The following RPSA2 variants were observed in gnomAD, a reference collection of about 807,000 sequenced individuals.
The protein encoded by RPSA2 is small ribosomal subunit protein uS2B.
At chr19:23,822,225 T>A in the RPSA2 span, among the ~76,000 whole-genome samples, 1 of 152,208 alleles carries the variant, frequency 6.6e-6, no homozygotes, top group African/African-American at 2.4e-5. Context: ...TGCTTCTTAG[T>A]ACCTTTGCAG....
At chr19:23,862,789 C>T in the RPSA2 span, among the ~76,000 whole-genome samples, 1 of 150,800 alleles carries the variant, frequency 6.6e-6, no homozygotes, top group African/African-American at 2.4e-5. Context: ...TGGGGACAAA[C>T]TTAACAGTTT....
the RPSA2 span, among the ~76,000 whole-genome samples, chr19:23,793,450 A>G: frequency 6.8e-6 from 1 of 146,278 alleles, no homozygotes; most frequent in African/African-American, 2.5e-5. Context: ...TTTGTATTTT[A>G]TATTATGTTA....
chr19:23,841,748 C>G, the RPSA2 span, among the ~76,000 whole-genome samples: 1 of 152,182 alleles, frequency 6.6e-6, no homozygotes. Flanking sequence ...TCCTCCTGTT[C>G]ACCTGTCTGT....
At chr19:23,860,535 C>A in the RPSA2 span, among the ~76,000 whole-genome samples, 1 of 152,066 alleles carries the variant, frequency 6.6e-6, no homozygotes, top group African/African-American at 2.4e-5. Context: ...CATATTATAT[C>A]CATCTTTGCA....
the RPSA2 span, among the ~76,000 whole-genome samples, chr19:23,850,251 G>C: frequency 1.3e-5 from 2 of 148,428 alleles, no homozygotes; most frequent in Non-Finnish European, 1.5e-5. Flanking sequence ...ATAAGTATGT[G>C]TAGCAGGTAA....
chr19:23,845,402 T>C, the RPSA2 span, among the ~76,000 whole-genome samples: 1 of 152,102 alleles, frequency 6.6e-6, no homozygotes, highest in South Asian at 2.1e-4. Flanking sequence ...GGCTATAAAC[T>C]GCCCTCTTAG....
At chr19:23,820,768 G>T in the RPSA2 span, among the ~76,000 whole-genome samples, 3 of 152,170 alleles carry the variant, frequency 2.0e-5, no homozygotes, top group Admixed American at 2.0e-4. Context: ...TCCTTTGCTA[G>T]CAAAAGGGCT....
At chr19:23,816,289 C>T in the RPSA2 span, among the ~76,000 whole-genome samples, 2 of 152,044 alleles carry the variant, frequency 1.3e-5, no homozygotes, top group Non-Finnish European at 2.9e-5. Context: ...TGTAGCATCA[C>T]GCCTAGCCAG....
At chr19:23,844,802 T>C in the RPSA2 span, among the ~76,000 whole-genome samples, 1 of 151,830 alleles carries the variant, frequency 6.6e-6, no homozygotes, top group African/African-American at 2.4e-5. Flanking sequence ...GGAAGAATTT[T>C]ATTATCCTCA....
the RPSA2 span, among the ~76,000 whole-genome samples, chr19:23,866,499 T>A: frequency 2.7e-5 from 4 of 150,774 alleles, no homozygotes; most frequent in South Asian, 8.4e-4. Context: ...ACAAAAAGGA[T>A]CTTACAATGT....
At chr19:23,831,903 C>T in the RPSA2 span, 3 of 298,040 alleles carry the variant, frequency 1.0e-5, no homozygotes, top group African/African-American at 4.5e-5. Context: ...AAAAATGTGT[C>T]AAATCATTTT....
At chr19:23,777,722 C>A in the RPSA2 span, among the ~76,000 whole-genome samples, 2 of 152,152 alleles carry the variant, frequency 1.3e-5, no homozygotes, top group East Asian at 3.9e-4. Context: ...CCTGCCTGAG[C>A]CTTGCCCACA....
At chr19:23,780,175 TC>T in the RPSA2 span, among the ~76,000 whole-genome samples, 1 of 152,090 alleles carries the variant, frequency 6.6e-6, no homozygotes, top group South Asian at 2.1e-4. Flanking sequence ...TACCACTCTC[TC>T]GTATATTGTA....
At chr19:23,766,049 A>G in the RPSA2 span, among the ~76,000 whole-genome samples, 1 of 151,996 alleles carries the variant, frequency 6.6e-6, no homozygotes, top group Non-Finnish European at 1.5e-5. Flanking sequence ...TGGGAATATC[A>G]AGGAGGGCTT....
the RPSA2 span, chr19:23,799,436 T>G: frequency 2.0e-5 from 3 of 152,364 alleles, no homozygotes; most frequent in East Asian, 5.8e-4. Context: ...ATTTCCGTTA[T>G]TGTGAAGGTG....
chr19:23,771,244 A>G, the RPSA2 span, among the ~76,000 whole-genome samples: 1 of 152,198 alleles, frequency 6.6e-6, no homozygotes, highest in Non-Finnish European at 1.5e-5. Flanking sequence ...ACCCAGCTGC[A>G]GTCAAAAGTT....
chr19:23,790,159 C>T, the RPSA2 span, among the ~76,000 whole-genome samples: 12 of 152,054 alleles, frequency 7.9e-5, no homozygotes, highest in East Asian at 3.9e-4. Context: ...CCACTGTGCC[C>T]GGCTACTTTT....
At chr19:23,860,174 A>G in the RPSA2 span, among the ~76,000 whole-genome samples, 1 of 152,160 alleles carries the variant, frequency 6.6e-6, no homozygotes, top group Non-Finnish European at 1.5e-5. Context: ...GATGGCTCAT[A>G]ACACCCTACA....
chr19:23,855,492 C>T, the RPSA2 span, among the ~76,000 whole-genome samples: 219 of 152,226 alleles, frequency 1.4e-3, no homozygotes, highest in African/African-American at 4.4e-3. Flanking sequence ...GGTTCCAGCA[C>T]GACCAGATAA....
Sources: gnomAD v4.1 joint callset for allele counts (sites outside exome capture counted in the v4.1 genomes callset) on GRCh38, gnomAD v4.1.1 for gene constraint, MANE v1.5 for transcripts, NCBI Gene and HGNC (gene_info 2026-07-23, HGNC 2026-07-21) for gene names.